The following ZZEF1 variants were observed in gnomAD, a reference collection of about 807,000 sequenced individuals.
ZZEF1 encodes zinc finger ZZ-type and EF-hand domain-containing protein 1.
A neutral mutation model predicts 342.8 loss-of-function variants in ZZEF1; 157 were observed. That is an observed-to-expected ratio of 0.46 (90% CI 0.40 to 0.52). ZZEF1 has a LOEUF of 0.52. Among genes scored for constraint, ZZEF1 ranks in the 20% least tolerant of loss-of-function variants. The pLI, the probability that ZZEF1 is intolerant of heterozygous loss-of-function variation, is 0.00. For missense variants in ZZEF1, 3,480 were observed against 3,725.6 expected (o/e 0.93, Z 1.72); for synonymous variants, 1,505 against 1,429.1 (o/e 1.05, Z -1.20).
chr17:4,032,894 C>T lies in ZZEF1; in HGVS notation c.6693G>A (p.Lys2231=). 1 of 1,614,154 alleles carries T rather than the reference C, an allele frequency of 6.2e-7. No homozygotes were observed. Among genetic ancestry groups the T allele is most frequent in the Non-Finnish European group, 8.5e-7 (1 of 1,180,020 alleles). ...VIATFTDHCI[K]QLPFQLKHTN... is the part of the protein sequence containing the mutation. ...TGTGCTTCAGCTGGAATGGCAGCTG[C>T]TTGATGCAGTGGTCTGTGAAGGTGG... The change falls in exon 41 of 55, where the codon AAG becomes AAA. Residue 2231 remains lysine (K), a synonymous_variant. Transcript: ENST00000381638.
At chr17:4,007,801 G>C (rs1248019684) in intron 54 of ZZEF1, among the ~76,000 whole-genome samples, 1 of 152,128 alleles carries the variant, frequency 6.6e-6, no homozygotes, top group Admixed American at 6.5e-5. Context: ...CCTACAACAG[G>C]AAAGAAGACC....
intron 52 of ZZEF1, among the ~76,000 whole-genome samples, chr17:4,012,210 G>A (rs1161078724): frequency 6.6e-6 from 1 of 152,166 alleles, no homozygotes; most frequent in Non-Finnish European, 1.5e-5. Context: ...TACTGGACTC[G>A]ACGCTCAAGT....
At chr17:4,125,805 G>A (rs776037221) in intron 1 of ZZEF1, among the ~76,000 whole-genome samples, 1 of 152,298 alleles carries the variant, frequency 6.6e-6, no homozygotes, top group Non-Finnish European at 1.5e-5. Context: ...AGAGGCCTGG[G>A]AGTCACACAG....
intron 1 of ZZEF1, among the ~76,000 whole-genome samples, chr17:4,125,087 C>T (rs1056468601): frequency 2.0e-5 from 3 of 152,070 alleles, no homozygotes; most frequent in Non-Finnish European, 4.4e-5. Context: ...GTAGTGTTCC[C>T]CTTCTCCTTT....
chr17:4,095,107 G>A (rs890809771), intron 11 of ZZEF1, among the ~76,000 whole-genome samples: 1 of 152,014 alleles, frequency 6.6e-6, no homozygotes, highest in African/African-American at 2.4e-5. Flanking sequence ...CCCTCCCTCC[G>A]AGTATCCCTC....
At chr17:4,032,612 T>C (rs558658469) in intron 41 of ZZEF1, among the ~76,000 whole-genome samples, 1 of 152,302 alleles carries the variant, frequency 6.6e-6, no homozygotes, top group African/African-American at 2.4e-5. Context: ...CTACTGGCTA[T>C]AAATGAATCA....
intron 1 of ZZEF1, among the ~76,000 whole-genome samples, chr17:4,132,649 G>C (rs113180483): frequency 6.7e-6 from 1 of 148,378 alleles, no homozygotes; most frequent in Non-Finnish European, 1.5e-5. Context: ...TGGCTAACAC[G>C]GTGAAACCCC....
intron 1 of ZZEF1, among the ~76,000 whole-genome samples, chr17:4,128,016 C>T (rs1555612426): frequency 6.6e-6 from 1 of 152,070 alleles, no homozygotes; most frequent in Non-Finnish European, 1.5e-5. Context: ...GCCACCGGGA[C>T]ATTTGAGTAA....
At chr17:4,072,555 A>G in intron 25 of ZZEF1, 53 bp downstream of exon 25, 1 of 1,547,582 alleles carries the variant, frequency 6.5e-7, no homozygotes, top group Admixed American at 2.0e-5. Context: ...AAAGTAATAA[A>G]TACTTGCAGG....
intron 35 of ZZEF1, 130 bp downstream of exon 35, chr17:4,051,841 G>A (rs866206153): frequency 3.3e-6 from 3 of 912,376 alleles, no homozygotes; most frequent in Admixed American, 3.0e-5. Flanking sequence ...CACTGTGTTA[G>A]TCTCTTTACT....
intron 39 of ZZEF1, among the ~76,000 whole-genome samples, chr17:4,040,819 T>C (rs1486914098): frequency 2.6e-5 from 4 of 151,952 alleles, no homozygotes; most frequent in Non-Finnish European, 5.9e-5. Context: ...ATAGCTGAGA[T>C]CCAGTCAGGA....
At chr17:4,079,989 T>C (rs1174424868) in intron 18 of ZZEF1, among the ~76,000 whole-genome samples, 3 of 152,244 alleles carry the variant, frequency 2.0e-5, no homozygotes, top group African/African-American at 7.2e-5. Flanking sequence ...CTCCTCCAGC[T>C]CTCTGGTTCC....
chr17:4,126,711 T>C (rs925820757), intron 1 of ZZEF1, among the ~76,000 whole-genome samples: 2 of 152,116 alleles, frequency 1.3e-5, no homozygotes, highest in African/African-American at 4.8e-5. Flanking sequence ...TTCCAGCACC[T>C]TGGGAGGCCA....
chr17:4,076,523 C>A, intron 21 of ZZEF1, 114 bp downstream of exon 21: 4 of 1,345,944 alleles, frequency 3.0e-6, no homozygotes, highest in Middle Eastern at 2.7e-4. Context: ...ATCAAGGGAG[C>A]CTTCTAGAGG....
At position 4,016,940 on chromosome 17, in the gene ZZEF1, C is replaced by A; in HGVS notation, c.8001+431G>T. 1 of 197,102 alleles carries A rather than the reference C, an allele frequency of 5.1e-6. No homozygotes were observed. The highest frequency in any genetic ancestry group is 1.1e-4 in the South Asian group (1 of 9,444). The allele number at this position is 197,102 out of a possible 1,614,324, so 12.2% of individuals were successfully genotyped here. On this transcript the variant is annotated intron_variant, in intron 48 of 54. Coordinates refer to ENST00000381638, the MANE Select transcript of ZZEF1 (RefSeq NM_015113.4). The surrounding 1 kb of genome is among the most constrained non-coding windows in gnomAD (Gnocchi z 4.4). Reference sequence around the variant, plus strand: ...CGAAAGATAGATATGCTAGAGCAAGCCTGCCAGCACCTGCAGGGCTGCAAG... The same window carrying A: ...CGAAAGATAGATATGCTAGAGCAAGACTGCCAGCACCTGCAGGGCTGCAAG...
rs1196699427 is a variant in ZZEF1, at chr17:4,022,824, T to G, written c.7097A>C (p.His2366Pro). The G allele has an allele frequency of 6.2e-7, 1 of 1,613,500 alleles. No homozygotes were observed. Among genetic ancestry groups the G allele is most frequent in the African/African-American group, 1.3e-5 (1 of 74,788 alleles). Residue 2366 changes from histidine (H) to proline (P), a missense_variant, in exon 44 of 55, where the codon CAC (histidine) becomes CCC (proline). Coordinates refer to ENST00000381638, the MANE Select transcript of ZZEF1 (RefSeq NM_015113.4). Reference protein sequence around the residue: ...LKGLYKTLKAHGFEEIRATFL... With the variant: ...LKGLYKTLKAPGFEEIRATFL... ...AGTAGCACGGATCTCCTCAAAACCG[T>G]GAGCCTGCCAAGCAGAAGAAGAATG...
chr17:4,027,152 G>C (rs188881847), intron 42 of ZZEF1, among the ~76,000 whole-genome samples: 257 of 151,922 alleles, frequency 1.7e-3, no homozygotes, highest in Non-Finnish European at 3.2e-3. Context: ...TTTTTTAGGG[G>C]GTGGTAGAAG....
chr17:4,018,764 C>T (rs1023301887), intron 46 of ZZEF1, among the ~76,000 whole-genome samples: 5 of 152,142 alleles, frequency 3.3e-5, no homozygotes, highest in Non-Finnish European at 7.3e-5. Flanking sequence ...GCTGATGCCC[C>T]TGGGTTCTGG....
At chr17:4,053,682 G>C (rs1292439439) in intron 34 of ZZEF1, among the ~76,000 whole-genome samples, 8 of 152,214 alleles carry the variant, frequency 5.3e-5, no homozygotes, top group African/African-American at 1.9e-4. Context: ...TCAGCACCTA[G>C]AAGTCAAGTG....
Sources: gnomAD v4.1 joint callset for allele counts (sites outside exome capture counted in the v4.1 genomes callset) on GRCh38, gnomAD v4.1.1 for gene constraint, Gnocchi (gnomAD v3.1) non-coding constraint, MANE v1.5 for transcripts, NCBI Gene and HGNC (gene_info 2026-07-23, HGNC 2026-07-21) for gene names.